The following LEPR variants were observed in gnomAD, a reference collection of about 807,000 sequenced individuals.
LEPR encodes the protein OB receptor.
In LEPR, 56 loss-of-function variants were observed where a neutral mutation model predicts 114.7. The ratio of observed to expected loss-of-function variants is 0.49; its 90% CI spans 0.39 to 0.61. LEPR has a LOEUF of 0.61. LEPR is among the 20% of genes least tolerant of loss of function. LEPR has a pLI of 0.00. For missense variants in LEPR, 1,202 were observed against 1,352.9 expected (o/e 0.89, Z 1.75); for synonymous variants, 443 against 461.4 (o/e 0.96, Z 0.51).
Position 65,638,566 on chromosome 1 carries a change from CTAAA to C in LEPR, c.*1557_*1560del, listed in dbSNP as rs1292231700. On this transcript the variant is annotated 3_prime_UTR_variant, in exon 20 of 20. Coordinates refer to ENST00000349533, the MANE Select transcript of LEPR (RefSeq NM_002303.6). ...AGAGACTCCCAATTTTACTGTTATCCTAAATAAATCTCTACATTCCATCTCTAGT... is the reference window on the plus strand; with the variant it reads ...AGAGACTCCCAATTTTACTGTTATCCTAAATCTCTACATTCCATCTCTAGT... The C allele has an allele frequency of 3.3e-5, 5 of 152,116 alleles. No homozygotes were observed. The highest frequency in any genetic ancestry group is 2.6e-4 in the Admixed American group (4 of 15,272). The allele number at this position is 152,116 out of a possible 1,614,324, so 9.4% of individuals were successfully genotyped here.
intron 2 of LEPR, among the ~76,000 whole-genome samples, chr1:65,544,034 T>C (rs1270440305): frequency 2.0e-5 from 3 of 152,098 alleles, no homozygotes; most frequent in African/African-American, 4.8e-5. Context: ...GGGATAGCAC[T>C]GAATCTATAA....
At chr1:65,553,303 A>G (rs1394360222) in intron 2 of LEPR, among the ~76,000 whole-genome samples, 1 of 152,176 alleles carries the variant, frequency 6.6e-6, no homozygotes, top group Admixed American at 6.5e-5. Context: ...AATATCCTGC[A>G]GAGTGTTTTC....
chr1:65,428,272 G>C (rs768618727), intron 2 of LEPR, among the ~76,000 whole-genome samples: 3 of 152,020 alleles, frequency 2.0e-5, no homozygotes, highest in Non-Finnish European at 2.9e-5. Context: ...GGCTTACTAT[G>C]AATGAAAACA....
intron 10 of LEPR, among the ~76,000 whole-genome samples, chr1:65,604,138 T>C (rs1387225954): frequency 6.6e-6 from 1 of 152,092 alleles, no homozygotes; most frequent in African/African-American, 2.4e-5. Context: ...AGGTTCTGTC[T>C]CTAACTGGAT....
chr1:65,527,901 A>G (rs1384079269), intron 2 of LEPR, among the ~76,000 whole-genome samples: 2 of 152,182 alleles, frequency 1.3e-5, no homozygotes, highest in Non-Finnish European at 2.9e-5. Context: ...CCTGGTTGCT[A>G]AGTCATTTGG....
chr1:65,513,597 T>C (rs11208659), intron 2 of LEPR, among the ~76,000 whole-genome samples: 25,435 of 152,156 alleles, frequency 0.17, 3,239 homozygotes, highest in African/African-American at 0.35. Context: ...TCAAATCCCA[T>C]TATACTCCTG....
At chr1:65,425,190 A>C (rs1158636611) in intron 1 of LEPR, 113 bp from the exon 2 acceptor site, 3 of 813,090 alleles carry the variant, frequency 3.7e-6, no homozygotes, top group Non-Finnish European at 6.1e-6. Context: ...AAATTTACTC[A>C]TCCGCCAAAG....
In LEPR at chr1:65,637,191, C is replaced by T. The variant is rs553223450; in HGVS notation, c.*176C>T. ...ACATAGACAAAAAATTTGAGAAAGC[C>T]TTCATAAGCCTACCAATGTAGACAC... On this transcript the variant is annotated 3_prime_UTR_variant, in exon 20 of 20. Coordinates refer to ENST00000349533, the MANE Select transcript of LEPR (RefSeq NM_002303.6). 4.7e-5 allele frequency: 30 copies of T among 636,324 alleles called. No homozygotes were observed. In the African/African-American group the frequency reaches 5.5e-4, roughly 12 times the overall value. 39.4% of individuals were successfully genotyped at this position (636,324 alleles called of 1,614,324 possible). A position where few individuals can be genotyped will look rare whatever the true frequency, so the allele number is the denominator to read the frequency against.
intron 17 of LEPR, 152 bp from the exon 18 acceptor site, chr1:65,621,201 C>A: frequency 1.5e-6 from 1 of 673,940 alleles, no homozygotes; most frequent in Non-Finnish European, 2.5e-6. Context: ...GTGATCACAA[C>A]ATATTTTTAT....
At chr1:65,422,949 T>G (rs1375214552) in intron 1 of LEPR, among the ~76,000 whole-genome samples, 1 of 152,130 alleles carries the variant, frequency 6.6e-6, no homozygotes, top group African/African-American at 2.4e-5. Context: ...GAGGCAGGAA[T>G]AAGAGGTTAA....
chr1:65,601,878 T>C lies in LEPR; in HGVS notation c.1321T>C (p.Tyr441His). Residue 441 changes from tyrosine to histidine, a missense_variant, in exon 10 of 20, where the codon TAC (tyrosine) becomes CAC (histidine). Physicochemically the swap from Tyr to His is moderately conservative, Grantham distance 83. Transcript: ENST00000349533. ...NINISCETDG[Y>H]LTKMTCRWST... ...CAATATCTCATGTGAAACTGATGGG[T>C]ACTTAACTAAAATGACTTGCAGATG... 6.2e-7 allele frequency: 1 copy of C among 1,613,644 alleles called. No homozygotes were observed. The highest frequency in any genetic ancestry group is 8.5e-7 in the Non-Finnish European group (1 of 1,179,662).
At chr1:65,498,886 C>G (rs746238560) in intron 2 of LEPR, among the ~76,000 whole-genome samples, 2 of 152,084 alleles carry the variant, frequency 1.3e-5, no homozygotes, top group African/African-American at 2.4e-5. Context: ...GAAGAATGCT[C>G]TCTTTAAAAG....
chr1:65,545,864 A>G (rs200454555), intron 2 of LEPR, among the ~76,000 whole-genome samples: 4 of 151,850 alleles, frequency 2.6e-5, no homozygotes, highest in East Asian at 3.9e-4. Flanking sequence ...TTGGTGTTTT[A>G]GACATGAAGT....
At chr1:65,479,842 G>T (rs1435723352) in intron 2 of LEPR, among the ~76,000 whole-genome samples, 1 of 151,712 alleles carries the variant, frequency 6.6e-6, no homozygotes, top group Admixed American at 6.6e-5. Flanking sequence ...AGTCCTGAAG[G>T]TTTAAGTTGA....
intron 2 of LEPR, among the ~76,000 whole-genome samples, chr1:65,488,202 T>TTCTTTC (rs1553157702): frequency 0.017 from 512 of 29,348 alleles, 10 homozygotes; most frequent in Non-Finnish European, 0.023. Context: ...CTTTCTTTCT[T>TTCTTTC]TCTTTCTTTC....
At chr1:65,544,950 TC>T (rs1275565620) in intron 2 of LEPR, among the ~76,000 whole-genome samples, 1 of 149,622 alleles carries the variant, frequency 6.7e-6, no homozygotes. Flanking sequence ...ATGCTATCCC[TC>T]CCCACTCCCC....
chr1:65,515,266 A>G (rs956306819), intron 2 of LEPR, among the ~76,000 whole-genome samples: 1 of 152,350 alleles, frequency 6.6e-6, no homozygotes, highest in South Asian at 2.1e-4. Flanking sequence ...AATTAAGTTG[A>G]CAATACTCTG....
At chr1:65,438,295 T>C (rs906494374) in intron 2 of LEPR, among the ~76,000 whole-genome samples, 11 of 151,946 alleles carry the variant, frequency 7.2e-5, no homozygotes, top group African/African-American at 2.4e-4. Context: ...CTCACGCCTG[T>C]AATCCCAGCA....
intron 2 of LEPR, among the ~76,000 whole-genome samples, chr1:65,534,296 A>C (rs1446359428): frequency 6.6e-6 from 1 of 152,160 alleles, no homozygotes; most frequent in East Asian, 1.9e-4. Context: ...GGAAGTTACC[A>C]TATGAATCCT....
Sources: gnomAD v4.1 joint callset for allele counts (sites outside exome capture counted in the v4.1 genomes callset) on GRCh38, gnomAD v4.1.1 for gene constraint, MANE v1.5 for transcripts, NCBI Gene and HGNC (gene_info 2026-07-23, HGNC 2026-07-21) for gene names.